ROBO2: variants seen among roughly 807,000 people sequenced by gnomAD.
ROBO2 encodes the protein roundabout homolog 2.
In ROBO2, 53 loss-of-function variants were observed where a neutral mutation model predicts 160.8. The observed-to-expected ratio is 0.33, with a 90% CI of 0.26 to 0.41. ROBO2 has a LOEUF of 0.41. Among genes scored for constraint, ROBO2 ranks in the 10% least tolerant of loss-of-function variants. The pLI is 1.00. For missense variants in ROBO2, 1,577 were observed against 1,722.4 expected (o/e 0.92, Z 1.49); for synonymous variants, 664 against 611.7 (o/e 1.09, Z -1.26).
chr3:75,973,098 A>T (rs549227537), intron 2 of ROBO2, among the ~76,000 whole-genome samples: 1 of 151,722 alleles, frequency 6.6e-6, no homozygotes, highest in Non-Finnish European at 1.5e-5. Flanking sequence ...GGACCAGGCA[A>T]TCAATTACTA....
chr3:77,311,464 C>T (rs1029134307), intron 2 of ROBO2, among the ~76,000 whole-genome samples: 1 of 152,186 alleles, frequency 6.6e-6, no homozygotes, highest in Non-Finnish European at 1.5e-5. Context: ...CTTAACTCAT[C>T]TAAGATCTAA....
At position 76,939,024 on chromosome 3, in the gene ROBO2, T is replaced by G. The variant is rs1559734242; in HGVS notation, c.110-158990T>G. Among the ~76,000 whole-genome samples the G allele has an allele frequency of 2.7e-5, 4 of 150,266 alleles. No individual in the cohort carries two copies. In the South Asian group the frequency reaches 8.4e-4, roughly 32 times the overall value. ...AGCCCCACACTGTTTCTCTGGTTTC[T>G]CTGAATAGAAAACAATGTACAGAAC... On this transcript the variant is annotated intron_variant, in intron 2 of 26. Coordinates refer to the ROBO2 transcript ENST00000487694.
intron 4 of ROBO2, among the ~76,000 whole-genome samples, chr3:77,485,163 G>A (rs1327874422): frequency 6.6e-6 from 1 of 151,868 alleles, no homozygotes; most frequent in Non-Finnish European, 1.5e-5. Flanking sequence ...TTTCTTTCTT[G>A]GTTAACCCCT....
At chr3:76,398,734 A>AGTTTAGTATATTCTATTG (rs2077633343) in intron 2 of ROBO2, among the ~76,000 whole-genome samples, 1 of 151,490 alleles carries the variant, frequency 6.6e-6, no homozygotes, top group African/African-American at 2.4e-5. Context: ...TATACTATTA[A>AGTTTAGTATATTCTATTG]GTTTAGTATA....
chr3:76,622,237 A>AAGAAAGAAAGAAAGAAAGAAAGAAGGAAG (rs1578621790), intron 2 of ROBO2, among the ~76,000 whole-genome samples: 1 of 40,244 alleles, frequency 2.5e-5, no homozygotes, highest in Non-Finnish European at 4.6e-5. Flanking sequence ...GAAGGAAGGA[A>AAGAAAGAAAGAAAGAAAGAAAGAAGGAAG]GAAAGAAAGA....
At chr3:76,416,672 A>G (rs2075769973) in intron 2 of ROBO2, among the ~76,000 whole-genome samples, 1 of 152,150 alleles carries the variant, frequency 6.6e-6, no homozygotes, top group Non-Finnish European at 1.5e-5. Context: ...TATAGGAGAG[A>G]TGATGACCAC....
intron 2 of ROBO2, among the ~76,000 whole-genome samples, chr3:77,106,641 A>T (rs2072847462): frequency 6.6e-6 from 1 of 152,102 alleles, no homozygotes; most frequent in Non-Finnish European, 1.5e-5. Flanking sequence ...TAACTATGAA[A>T]GTTTTTGCTT....
chr3:76,449,446 G>A (rs1185542713), intron 2 of ROBO2, among the ~76,000 whole-genome samples: 1 of 152,014 alleles, frequency 6.6e-6, no homozygotes, highest in Non-Finnish European at 1.5e-5. Flanking sequence ...AATATTTCAT[G>A]CCTGAAATTT....
At chr3:76,691,100 A>G (rs1332785628) in intron 2 of ROBO2, among the ~76,000 whole-genome samples, 1 of 152,138 alleles carries the variant, frequency 6.6e-6, no homozygotes, top group Non-Finnish European at 1.5e-5. Flanking sequence ...TGAGACCTTT[A>G]ACAGGTGATT....
chr3:76,966,821 G>C (rs971589479), intron 2 of ROBO2, among the ~76,000 whole-genome samples: 1 of 152,136 alleles, frequency 6.6e-6, no homozygotes, highest in East Asian at 1.9e-4. Context: ...AATAATATTC[G>C]GTGTGTTTAC....
At chr3:76,926,030 T>A (rs2076969953) in intron 2 of ROBO2, among the ~76,000 whole-genome samples, 1 of 152,196 alleles carries the variant, frequency 6.6e-6, no homozygotes, top group Non-Finnish European at 1.5e-5. Flanking sequence ...ATCTATCTTT[T>A]GATTTCTGTC....
intron 2 of ROBO2, among the ~76,000 whole-genome samples, chr3:77,000,609 T>C (rs1355315595): frequency 1.3e-5 from 2 of 152,294 alleles, no homozygotes; most frequent in African/African-American, 2.4e-5. Flanking sequence ...CTTCTTCAAA[T>C]GTCTTAAAAA....
chr3:76,920,134 C>T (rs1248617026), intron 2 of ROBO2, among the ~76,000 whole-genome samples: 1 of 151,834 alleles, frequency 6.6e-6, no homozygotes, highest in Non-Finnish European at 1.5e-5. Flanking sequence ...CTTGGCTTTC[C>T]GTTATTTTAT....
Position 76,392,989 on chromosome 3 carries a change from A to G in ROBO2, c.109+455387A>G, listed in dbSNP as rs1002727392. On this transcript the variant is annotated intron_variant, in intron 2 of 26. Transcript: ENST00000487694. ...TTGGCTTCCATGCACATTTTAAAGA[A>G]CTTAAATTTGGATGTGAAGATGTAT... 5.3e-5 allele frequency among the ~76,000 whole-genome samples: 8 copies of G among 152,304 alleles called. No homozygotes were observed. The South Asian group carries it at 1.7e-3, about 32-fold the overall frequency.
At chr3:76,782,434 T>C (rs149906220) in intron 2 of ROBO2, among the ~76,000 whole-genome samples, 10 of 150,890 alleles carry the variant, frequency 6.6e-5, no homozygotes, top group Non-Finnish European at 1.3e-4. Flanking sequence ...TCTGTTTCCT[T>C]ATTGATTTTG....
chr3:76,496,849 C>T (rs1426688444), intron 2 of ROBO2, among the ~76,000 whole-genome samples: 1 of 152,218 alleles, frequency 6.6e-6, no homozygotes, highest in Non-Finnish European at 1.5e-5. Flanking sequence ...GCATCCCAAT[C>T]CACCATCTAA....
chr3:77,106,388 A>G (rs1416316784), intron 2 of ROBO2, among the ~76,000 whole-genome samples: 3 of 150,714 alleles, frequency 2.0e-5, no homozygotes, highest in Non-Finnish European at 4.4e-5. Flanking sequence ...TGGTGTGTAG[A>G]TGCAAGTTGA....
intron 4 of ROBO2, among the ~76,000 whole-genome samples, chr3:77,484,997 G>T (rs1420619278): frequency 6.6e-6 from 1 of 151,756 alleles, no homozygotes; most frequent in Non-Finnish European, 1.5e-5. Context: ...CATTTTTTTA[G>T]ACTTTAGCTA....
chr3:77,496,599 A>G (rs968195126), intron 5 of ROBO2, among the ~76,000 whole-genome samples: 8 of 152,154 alleles, frequency 5.3e-5, no homozygotes, highest in African/African-American at 1.4e-4. Context: ...TTGGCTTAAC[A>G]TTTAATGAAA....
Sources: gnomAD v4.1 joint callset for allele counts (sites outside exome capture counted in the v4.1 genomes callset) on GRCh38, gnomAD v4.1.1 for gene constraint, MANE v1.5 for transcripts, NCBI Gene and HGNC (gene_info 2026-07-23, HGNC 2026-07-21) for gene names.